Variants in BCAS1 observed in about 807,000 individuals in gnomAD.
The protein encoded by BCAS1 is brain enriched myelin associated protein 1, also known as breast carcinoma-amplified sequence 1.
BCAS1 carries 46 observed loss-of-function variants against 65.4 expected under a neutral mutation model. That is an observed-to-expected ratio of 0.70 (90% confidence interval 0.55 to 0.90). BCAS1 has a LOEUF of 0.90. Ranked by LOEUF, BCAS1 falls within the 40% of genes least tolerant of loss-of-function variation. BCAS1 has a pLI of 0.00. For missense variants in BCAS1, 793 were observed against 771.2 expected (o/e 1.03, Z -0.33); for synonymous variants, 298 against 293.5 (o/e 1.02, Z -0.16).
intron 8 of BCAS1, among the ~76,000 whole-genome samples, chr20:53,982,767 T>A (rs2090515068): frequency 6.6e-6 from 1 of 152,224 alleles, no homozygotes; most frequent in African/African-American, 2.4e-5. Context: ...TACAAGAATA[T>A]AAGCTAGGAA....
chr20:54,036,998 A>C (rs895317477), intron 3 of BCAS1, among the ~76,000 whole-genome samples: 3 of 151,298 alleles, frequency 2.0e-5, no homozygotes, highest in African/African-American at 4.8e-5. Flanking sequence ...TTAAACATAC[A>C]TGCACACACA....
At chr20:54,029,781 C>G (rs1455002948) in intron 3 of BCAS1, among the ~76,000 whole-genome samples, 1 of 152,192 alleles carries the variant, frequency 6.6e-6, no homozygotes, top group Non-Finnish European at 1.5e-5. Context: ...TCAGAGAGGT[C>G]AGTACACCCT....
At chr20:54,035,400 C>CAAAAAAAA (rs1288429763) in intron 3 of BCAS1, among the ~76,000 whole-genome samples, 2 of 62,060 alleles carry the variant, frequency 3.2e-5, no homozygotes, top group African/African-American at 7.0e-5. Context: ...GACTCCGTCT[C>CAAAAAAAA]AAAAAAAAAA....
Position 53,978,517 on chromosome 20 carries a change from A to G in BCAS1, c.1276-3087T>C, listed in dbSNP as rs200303635. On this transcript the variant is annotated intron_variant, in intron 8 of 12. Transcript: ENST00000688948. ...TAAGTCTTTCTTTAAAAAAGAGATCAGCAGGTGTTTGTACAGTAATAAATG... is the reference window on the plus strand; with the variant it reads ...TAAGTCTTTCTTTAAAAAAGAGATCGGCAGGTGTTTGTACAGTAATAAATG... Among the ~76,000 whole-genome samples, 8 of 152,366 alleles carry G rather than the reference A, an allele frequency of 5.3e-5. No individual in the cohort carries two copies. In the East Asian group the frequency reaches 1.5e-3, roughly 29 times the overall value.
At chr20:54,048,687 C>T (rs1372959092) in intron 3 of BCAS1, among the ~76,000 whole-genome samples, 4 of 152,186 alleles carry the variant, frequency 2.6e-5, no homozygotes, top group Non-Finnish European at 5.9e-5. Context: ...ACTGCCACCT[C>T]CAGACTTCTT....
chr20:54,041,107 T>G (rs1362357644), intron 3 of BCAS1, among the ~76,000 whole-genome samples: 1 of 151,398 alleles, frequency 6.6e-6, no homozygotes, highest in Non-Finnish European at 1.5e-5. Context: ...ATTCCATTTA[T>G]ATAAAGTGTC....
At chr20:53,964,612 T>C (rs915261278) in intron 10 of BCAS1, among the ~76,000 whole-genome samples, 16 of 152,190 alleles carry the variant, frequency 1.1e-4, no homozygotes, top group African/African-American at 3.6e-4. Context: ...CTATAGCGAA[T>C]TGATTCCAAA....
In BCAS1 at chr20:54,058,070, C is replaced by T. The variant is rs764732379; in HGVS notation, c.142+15G>A. On this transcript the variant is annotated intron_variant, in intron 3 of 12. Transcript: ENST00000688948. ...CCCACGAGAGGGTAGATGCCCTTCC[C>T]AGAGTAGCACTGACCTTCCTCTAAG... 1.9e-6 allele frequency: 3 copies of T among 1,609,444 alleles called. No homozygotes were observed. Among genetic ancestry groups the T allele is most frequent in the African/African-American group, 2.7e-5 (2 of 74,784 alleles).
rs1200664846 is a variant in BCAS1, at chr20:54,061,553, C to T, written c.-5-2830G>A. On this transcript the variant is annotated intron_variant, in intron 1 of 12. Coordinates refer to ENST00000688948, the MANE Select transcript of BCAS1 (RefSeq NM_001366298.2). ...TGAGTCACCAGGGATTCTTGTGGATCTCTCGCCATTGGTGTGAGTTTTTAT... is the reference window on the plus strand; with the variant it reads ...TGAGTCACCAGGGATTCTTGTGGATTTCTCGCCATTGGTGTGAGTTTTTAT... 2.6e-5 allele frequency among the ~76,000 whole-genome samples: 4 copies of T among 152,196 alleles called. No homozygotes were observed. In the East Asian group the frequency reaches 7.7e-4, roughly 29 times the overall value.
chr20:53,981,822 G>A (rs1256422471), intron 8 of BCAS1, among the ~76,000 whole-genome samples: 1 of 29,830 alleles, frequency 3.4e-5, no homozygotes, highest in Admixed American at 2.2e-4. Flanking sequence ...ATGTGCGTGC[G>A]TGTGTGTGTG....
Position 54,028,774 on chromosome 20 carries a change from G to C in BCAS1, c.341C>G (p.Ser114Ter), listed in dbSNP as rs1305726323. 3 of 1,614,114 alleles carry C rather than the reference G, an allele frequency of 1.9e-6. No homozygotes were observed. Among genetic ancestry groups the C allele is most frequent in the South Asian group, 2.2e-5 (2 of 91,088 alleles). The change falls in exon 4 of 13, where the codon TCA (serine) becomes TGA (stop). Residue 114 changes from serine (S) to a stop codon, truncating the protein, a stop_gained. Transcript: ENST00000688948. LOFTEE classifies it high-confidence loss of function. ...PGRTGDQAAD[S>*]SLGSVKLDVS... ...ATCAAGCTTCACTGATCCAAGGGAT[G>C]AATCTGCGGCTTGGTCTCCGGTACG... is the stretch of plus-strand genomic sequence containing the variant.
intron 1 of BCAS1, among the ~76,000 whole-genome samples, chr20:54,064,884 C>A (rs1178517524): frequency 2.1e-5 from 3 of 142,814 alleles, no homozygotes; most frequent in East Asian, 2.0e-4. Flanking sequence ...CCCAACAACT[C>A]TCTGAGTTAG....
intron 3 of BCAS1, among the ~76,000 whole-genome samples, chr20:54,032,225 T>A (rs2091816336): frequency 6.6e-6 from 1 of 151,314 alleles, no homozygotes; most frequent in Non-Finnish European, 1.5e-5. Context: ...TATATCTGAC[T>A]AAACTAAGCT....
chr20:53,994,991 T>C (rs2090867406), intron 6 of BCAS1, 21 bp downstream of exon 6: 2 of 1,608,654 alleles, frequency 1.2e-6, no homozygotes, highest in Non-Finnish European at 1.7e-6. Context: ...AATATATACA[T>C]ACACACTTCC....
intron 4 of BCAS1, among the ~76,000 whole-genome samples, chr20:54,017,360 C>T (rs758286923): frequency 5.3e-5 from 8 of 151,378 alleles, no homozygotes; most frequent in Non-Finnish European, 1.2e-4. Context: ...TTGGCACACT[C>T]TTAAGTATAG....
intron 7 of BCAS1, among the ~76,000 whole-genome samples, chr20:53,988,735 A>G (rs1230290078): frequency 6.6e-6 from 1 of 152,238 alleles, no homozygotes; most frequent in South Asian, 2.1e-4. Context: ...GTACTATCAA[A>G]TGCTACAACT....
At chr20:53,994,981 AATATATAC>A in intron 6 of BCAS1, 23 bp downstream of exon 6, 2 of 1,603,282 alleles carry the variant, frequency 1.2e-6, no homozygotes, top group Non-Finnish European at 1.7e-6. Flanking sequence ...CGCAAACCCA[AATATATAC>A]ATACACACTT....
At chr20:54,015,511 A>G (rs554119703) in intron 4 of BCAS1, among the ~76,000 whole-genome samples, 1 of 152,252 alleles carries the variant, frequency 6.6e-6, no homozygotes, top group South Asian at 2.1e-4. Flanking sequence ...CACATCTTTC[A>G]AGCCCATGGC....
intron 4 of BCAS1, among the ~76,000 whole-genome samples, chr20:54,024,790 T>C (rs147786936): frequency 2.3e-3 from 356 of 152,214 alleles, no homozygotes; most frequent in African/African-American, 8.0e-3. Context: ...AGGACAAAGA[T>C]AGAGACCTAT....
Sources: gnomAD v4.1 joint callset for allele counts (sites outside exome capture counted in the v4.1 genomes callset) on GRCh38, gnomAD v4.1.1 for gene constraint, MANE v1.5 for transcripts, NCBI Gene and HGNC (gene_info 2026-07-23, HGNC 2026-07-21) for gene names.